GPR137: variants seen among roughly 807,000 people sequenced by gnomAD.
The protein encoded by GPR137 is G protein-coupled receptor 137.
A neutral mutation model predicts 38.9 loss-of-function variants in GPR137; 20 were observed. The observed-to-expected ratio is 0.51, with a 90% CI of 0.36 to 0.75. GPR137 has a LOEUF of 0.75. GPR137 is among the 30% of genes least tolerant of loss of function. GPR137 has a pLI of 0.00. For synonymous variants in GPR137, 226 were observed against 235.8 expected (o/e 0.96, Z 0.38); for missense variants, 456 against 526.4 (o/e 0.87, Z 1.31).
upstream of GPR137, chr11:64,272,771 G>A (rs1333455923): frequency 6.6e-6 from 1 of 152,260 alleles, no homozygotes; most frequent in Admixed American, 6.5e-5. Flanking sequence ...CAAAGGTTTG[G>A]TGGAATCCAG....
upstream of GPR137, among the ~76,000 whole-genome samples, chr11:64,283,646 C>T (rs1425404257): frequency 1.3e-5 from 2 of 152,224 alleles, no homozygotes; most frequent in Non-Finnish European, 2.9e-5. Flanking sequence ...AAGCATGTAG[C>T]CTGGGGCAGG....
Position 64,289,258 on chromosome 11 carries a change from C to A in GPR137, c.*62C>A, listed in dbSNP as rs765100830. The A allele has an allele frequency of 2.2e-5, 36 of 1,613,434 alleles. No individual in the cohort carries two copies. The highest frequency in any genetic ancestry group is 3.3e-4 in the Middle Eastern group (2 of 6,056). The stretch of plus-strand genomic sequence containing the variant: ...TCCCCCTCACCCTAGGCCCCTGTGC[C>A]AAGTTTGTCTGCCGCTTCTTGCCCA... On this transcript the variant is annotated 3_prime_UTR_variant, in exon 7 of 7. Coordinates refer to ENST00000438980, the MANE Select transcript of GPR137 (RefSeq NM_001170880.2).
intron 2 of GPR137, 124 bp from the exon 3 acceptor site, chr11:64,287,597 G>A: frequency 5.9e-6 from 9 of 1,517,832 alleles, no homozygotes; most frequent in Non-Finnish European, 7.9e-6. Flanking sequence ...TGTAAGAGTG[G>A]AGGAACAGGG....
At chr11:64,276,070 C>A (rs1424069277) in intron 1 of GPR137, among the ~76,000 whole-genome samples, 1 of 152,116 alleles carries the variant, frequency 6.6e-6, no homozygotes, top group Non-Finnish European at 1.5e-5. Flanking sequence ...AGGCTCCTTC[C>A]AGCTGTACCT....
upstream of GPR137, chr11:64,271,992 A>G (rs1357118305): frequency 1.9e-5 from 8 of 423,026 alleles, no homozygotes; most frequent in East Asian, 2.8e-4. Flanking sequence ...CCTTTGGTGA[A>G]GATTTAGGTT....
In GPR137 at chr11:64,286,258, C is replaced by A. The variant is rs997486696; in HGVS notation, c.-267C>A. The A allele has an allele frequency of 7.6e-7, 1 of 1,310,612 alleles. No individual in the cohort carries two copies. The allele number at this position is 1,310,612 out of a possible 1,614,324, so 81.2% of individuals were successfully genotyped here. A position where few individuals can be genotyped will look rare whatever the true frequency, so the allele number is the denominator to read the frequency against. On this transcript the variant is annotated 5_prime_UTR_variant, in exon 1 of 7. Transcript: ENST00000438980. ...GGGTAGGCCCAGGGAGGAGACACCC[C>A]CAACCCCTATCCGGTCTGTCCTGGA...
chr11:64,288,776 C>T lies in GPR137; in HGVS notation c.1031+55C>T. 3 of 815,034 alleles carry T rather than the reference C, an allele frequency of 3.7e-6. No homozygotes were observed. Among genetic ancestry groups the T allele is most frequent in the South Asian group, 1.7e-5 (1 of 59,960 alleles). The allele number at this position is 815,034 out of a possible 1,614,324, so 50.5% of individuals were successfully genotyped here. On this transcript the variant is annotated intron_variant, in intron 6 of 6. Transcript: ENST00000438980. This position sits in a 1 kb window ranked among gnomAD's most constrained non-coding sequence, Gnocchi z 5.5. ...CTGCCCTACCCGCCCACCCCGCTGG[C>T]TCCATCAAGCTATGGGGGACCGAGA... is the stretch of plus-strand genomic sequence containing the variant.
At chr11:64,277,687 C>T (rs2033165612) in intron 2 of GPR137, among the ~76,000 whole-genome samples, 1 of 152,162 alleles carries the variant, frequency 6.6e-6, no homozygotes, top group Non-Finnish European at 1.5e-5. Context: ...GATCCTCCTG[C>T]CTTGGCCTCC....
chr11:64,282,834 G>A (rs1458290432), upstream of GPR137, among the ~76,000 whole-genome samples: 1 of 148,406 alleles, frequency 6.7e-6, no homozygotes, highest in East Asian at 2.0e-4. Flanking sequence ...AGCCGAGATT[G>A]CACCACTGCA....
chr11:64,287,306 C>A (rs1220759738), intron 2 of GPR137: 1 of 985,194 alleles, frequency 1.0e-6, no homozygotes, highest in Non-Finnish European at 1.2e-6. Flanking sequence ...AAGCCATATG[C>A]ACTCCTGGGT....
upstream of GPR137, among the ~76,000 whole-genome samples, chr11:64,274,256 C>G (rs1348178563): frequency 6.6e-6 from 1 of 151,828 alleles, no homozygotes; most frequent in African/African-American, 2.4e-5. Flanking sequence ...GGCATGGTGG[C>G]TGGCGCCTTA....
upstream of GPR137, chr11:64,271,908 C>T (rs765207672): frequency 1.0e-6 from 1 of 956,618 alleles, no homozygotes; most frequent in Non-Finnish European, 1.4e-6. Context: ...ACTCGTGGGT[C>T]TTCCAGGGGC....
chr11:64,286,734 C>T lies in GPR137; in HGVS notation c.210C>T (p.Ala70=), dbSNP rs772642338. ...TCCTGGCCCTCTGTCTGCTCTGGGC[C>T]GCCTTGCGTACCACCCTCTTCTCCT... is the stretch of plus-strand genomic sequence containing the variant. ...TVFLALCLLW[A]ALRTTLFSFY... Residue 70 remains alanine (A), a synonymous_variant, in exon 1 of 7, where the codon GCC becomes GCT. Transcript: ENST00000438980. 6.8e-6 allele frequency: 11 copies of T among 1,613,326 alleles called. No individual in the cohort carries two copies. In the African/African-American group the frequency reaches 9.3e-5, roughly 14 times the overall value.
chr11:64,284,308 C>T (rs762208923), upstream of GPR137: 3 of 1,612,310 alleles, frequency 1.9e-6, no homozygotes, highest in Non-Finnish European at 2.5e-6. Flanking sequence ...GGGCCCAGGC[C>T]CCTCTCTGCA....
chr11:64,282,633 C>G (rs1357140208), upstream of GPR137, among the ~76,000 whole-genome samples: 1 of 152,110 alleles, frequency 6.6e-6, no homozygotes, highest in Non-Finnish European at 1.5e-5. Context: ...AATCCCAACA[C>G]TGTTGGGAGG....
At chr11:64,283,778 C>G (rs188770141), upstream of GPR137, among the ~76,000 whole-genome samples, 190 of 152,264 alleles carry the variant, frequency 1.2e-3, 2 homozygotes, top group East Asian at 0.02. Flanking sequence ...CTGTCCTAAC[C>G]CCACACTAAT....
chr11:64,277,504 C>T (rs2033155603), intron 2 of GPR137, among the ~76,000 whole-genome samples: 4 of 152,236 alleles, frequency 2.6e-5, no homozygotes, highest in African/African-American at 9.6e-5. Flanking sequence ...GTGGCACGAT[C>T]TCAGCTTACT....
Position 64,289,110 on chromosome 11 carries a change from C to T in GPR137, c.1105C>T (p.Gln369Ter), listed in dbSNP as rs746413073. ...TGAGCCGGGCTGGTATGGGGGCAGC[C>T]AGACGAAGACCACTCCTCTGCTCTT... ...GREPGWYGGSQTKTTPLLFSQ... is the reference protein window; with the variant it reads ...GREPGWYGGS Residue 369 changes from glutamine to a stop codon, truncating the protein, a stop_gained, in exon 7 of 7, where the codon CAG (glutamine) becomes TAG (stop). Coordinates refer to ENST00000438980, the MANE Select transcript of GPR137 (RefSeq NM_001170880.2). LOFTEE classifies it high-confidence loss of function. The T allele has an allele frequency of 6.2e-7, 1 of 1,612,960 alleles. No homozygotes were observed. Among genetic ancestry groups the T allele is most frequent in the Admixed American group, 1.7e-5 (1 of 59,992 alleles).
chr11:64,274,114 C>T (rs1471996967), upstream of GPR137, among the ~76,000 whole-genome samples: 3 of 152,098 alleles, frequency 2.0e-5, no homozygotes, highest in East Asian at 1.9e-4. Context: ...AGTAGGTGGC[C>T]GGGTGCGGTG....
Sources: gnomAD v4.1 joint callset for allele counts (sites outside exome capture counted in the v4.1 genomes callset) on GRCh38, gnomAD v4.1.1 for gene constraint, Gnocchi (gnomAD v3.1) non-coding constraint, MANE v1.5 for transcripts, NCBI Gene and HGNC (gene_info 2026-07-23, HGNC 2026-07-21) for gene names.